ROBO2: variants seen among roughly 807,000 people sequenced by gnomAD.
The protein encoded by ROBO2 is roundabout homolog 2.
ROBO2 carries 53 observed loss-of-function variants against 160.8 expected under a neutral mutation model. The ratio of observed to expected loss-of-function variants is 0.33; its 90% CI spans 0.26 to 0.41. The LOEUF (loss-of-function observed/expected upper bound fraction) is 0.41. ROBO2 is among the 10% of genes least tolerant of loss of function. The probability of loss-of-function intolerance (pLI) is 1.00; values close to 1 mark genes in which losing one functional copy is unlikely to be tolerated. For missense variants in ROBO2, 1,577 were observed against 1,722.4 expected (o/e 0.92, Z 1.49); for synonymous variants, 664 against 611.7 (o/e 1.09, Z -1.26).
At chr3:76,107,336 A>G (rs1278228700) in intron 2 of ROBO2, among the ~76,000 whole-genome samples, 1 of 152,046 alleles carries the variant, frequency 6.6e-6, no homozygotes, top group African/African-American at 2.4e-5. Context: ...TCACCTCTAG[A>G]CTGTACCATA....
intron 2 of ROBO2, among the ~76,000 whole-genome samples, chr3:76,273,691 A>G (rs1004501807): frequency 4.6e-5 from 7 of 152,054 alleles, no homozygotes; most frequent in African/African-American, 1.7e-4. Flanking sequence ...CTCACTCACC[A>G]TCATGAGAAC....
intron 2 of ROBO2, among the ~76,000 whole-genome samples, chr3:77,444,706 T>C (rs1316190684): frequency 6.6e-6 from 1 of 152,090 alleles, no homozygotes; most frequent in Non-Finnish European, 1.5e-5. Flanking sequence ...TAAAATCCTA[T>C]GTGGGAAAAA....
chr3:76,369,195 A>T (rs796400607), intron 2 of ROBO2, among the ~76,000 whole-genome samples: 23 of 152,082 alleles, frequency 1.5e-4, no homozygotes, highest in African/African-American at 4.6e-4. Context: ...TCTGAACACA[A>T]TGAACCTTCA....
intron 2 of ROBO2, among the ~76,000 whole-genome samples, chr3:76,051,527 T>G (rs2324465): frequency 0.021 from 3,133 of 152,272 alleles, 44 homozygotes; most frequent in East Asian, 0.081. Flanking sequence ...TGGGCGTGAA[T>G]TATTTTTTGT....
chr3:76,781,484 A>C (rs570156514), intron 2 of ROBO2, among the ~76,000 whole-genome samples: 15 of 150,826 alleles, frequency 9.9e-5, no homozygotes, highest in African/African-American at 3.1e-4. Context: ...TATCTTGTAC[A>C]TAATGTTAGA....
chr3:76,620,743 T>C (rs1308049218), intron 2 of ROBO2, among the ~76,000 whole-genome samples: 1 of 152,102 alleles, frequency 6.6e-6, no homozygotes. Context: ...TTAACTAGCT[T>C]ATAAATACTA....
chr3:76,398,971 T>G (rs1177574032), intron 2 of ROBO2, among the ~76,000 whole-genome samples: 1 of 151,794 alleles, frequency 6.6e-6, no homozygotes. Context: ...GACTTTGAAG[T>G]TAACTAAATT....
At chr3:76,131,884 A>T (rs2071235883) in intron 2 of ROBO2, among the ~76,000 whole-genome samples, 1 of 152,150 alleles carries the variant, frequency 6.6e-6, no homozygotes, top group Non-Finnish European at 1.5e-5. Context: ...TATCAAATAA[A>T]ATGTTCTTAT....
intron 2 of ROBO2, among the ~76,000 whole-genome samples, chr3:77,438,457 G>C (rs2079552749): frequency 1.3e-5 from 2 of 151,688 alleles, no homozygotes; most frequent in Admixed American, 6.6e-5. Context: ...CTACGAGAGA[G>C]AGCAGGTTTG....
At chr3:75,917,371 C>T (rs749278287) in intron 1 of ROBO2, among the ~76,000 whole-genome samples, 8 of 152,082 alleles carry the variant, frequency 5.3e-5, no homozygotes, top group Non-Finnish European at 1.2e-4. Flanking sequence ...ATGAACTCAT[C>T]GTTTTTTATG....
intron 2 of ROBO2, among the ~76,000 whole-genome samples, chr3:76,968,423 T>C (rs1213712577): frequency 6.6e-6 from 1 of 152,146 alleles, no homozygotes; most frequent in Non-Finnish European, 1.5e-5. Context: ...ATCTAATCAA[T>C]CTAATCAAAT....
At chr3:77,485,056 G>T (rs1022550439) in intron 4 of ROBO2, among the ~76,000 whole-genome samples, 3 of 151,992 alleles carry the variant, frequency 2.0e-5, no homozygotes, top group African/African-American at 7.2e-5. Context: ...GATCTGACTT[G>T]GTTAGACATT....
intron 2 of ROBO2, among the ~76,000 whole-genome samples, chr3:76,744,873 C>T (rs760193322): frequency 6.6e-6 from 1 of 152,102 alleles, no homozygotes; most frequent in Non-Finnish European, 1.5e-5. Context: ...AAAATGTGTA[C>T]GTTCACTCTG....
chr3:76,046,613 A>C (rs1353198594), intron 2 of ROBO2, among the ~76,000 whole-genome samples: 1 of 151,868 alleles, frequency 6.6e-6, no homozygotes, highest in Non-Finnish European at 1.5e-5. Flanking sequence ...GCGCCACTGC[A>C]CTCCAGCCTG....
chr3:76,844,518 T>C (rs1176058267), intron 2 of ROBO2, among the ~76,000 whole-genome samples: 2 of 152,012 alleles, frequency 1.3e-5, no homozygotes, highest in Non-Finnish European at 2.9e-5. Flanking sequence ...AAATTATCTA[T>C]TGTAACATTG....
chr3:75,949,086 C>T (rs1948438540), intron 2 of ROBO2, among the ~76,000 whole-genome samples: 1 of 152,024 alleles, frequency 6.6e-6, no homozygotes, highest in African/African-American at 2.4e-5. Context: ...AAATAAAAAG[C>T]CAGATGTTAT....
At chr3:76,845,260 TC>T in intron 2 of ROBO2, among the ~76,000 whole-genome samples, 1 of 152,136 alleles carries the variant, frequency 6.6e-6, no homozygotes, top group Admixed American at 6.6e-5. Flanking sequence ...TTTAGTATCT[TC>T]TAACAGAGAA....
chr3:77,325,184 T>A (rs577408861), intron 2 of ROBO2, among the ~76,000 whole-genome samples: 1 of 147,460 alleles, frequency 6.8e-6, no homozygotes, highest in South Asian at 2.2e-4. Context: ...TACAACATTT[T>A]CAGGGAAAAA....
At chr3:76,444,649 T>C (rs2077081788) in intron 2 of ROBO2, among the ~76,000 whole-genome samples, 2 of 152,152 alleles carry the variant, frequency 1.3e-5, no homozygotes, top group South Asian at 2.1e-4. Flanking sequence ...GGGAACCACC[T>C]CCATGATTCA....
Sources: allele counts gnomAD v4.1 joint callset (sites outside exome capture counted in the v4.1 genomes callset), GRCh38; gene constraint gnomAD v4.1.1; transcripts MANE v1.5; gene names NCBI Gene and HGNC (gene_info 2026-07-23, HGNC 2026-07-21).